The following NEK1 variants were observed in gnomAD, a reference collection of about 807,000 sequenced individuals.
NEK1 encodes serine/threonine-protein kinase Nek1.
In NEK1, 137 loss-of-function variants were observed where a neutral mutation model predicts 182.1. The ratio of observed to expected loss-of-function variants is 0.75; its 90% confidence interval spans 0.65 to 0.87. The LOEUF (loss-of-function observed/expected upper bound fraction) is 0.87. Ranked by LOEUF, NEK1 falls within the 40% of genes least tolerant of loss-of-function variation. The pLI, the probability that NEK1 is intolerant of heterozygous loss-of-function variation, is 0.00. For synonymous variants in NEK1, 513 were observed against 492.2 expected (o/e 1.04, Z -0.56); for missense variants, 1,391 against 1,494.4 (o/e 0.93, Z 1.14).
At chr4:169,497,295 TTTC>T (rs1368850789) in intron 23 of NEK1, among the ~76,000 whole-genome samples, 13 of 152,218 alleles carry the variant, frequency 8.5e-5, no homozygotes, top group Non-Finnish European at 1.8e-4. Context: ...TCTTCTCTCT[TTTC>T]TTCTTTATTA....
rs1238105565 is a variant in NEK1, at chr4:169,393,743, A to G, written c.*767T>C. ...TATGGAGGAAGTTAAAAACCAAAAG[A>G]GCAACTTTAAGCTATATGCTAAGTC... is the stretch of plus-strand genomic sequence containing the variant. On this transcript the variant is annotated 3_prime_UTR_variant, in exon 36 of 36. Transcript: ENST00000507142. The G allele has an allele frequency of 6.6e-6, 1 of 152,208 alleles. No individual in the cohort carries two copies. The highest frequency in any genetic ancestry group is 1.5e-5 in the Non-Finnish European group (1 of 68,020). 9.4% of individuals were successfully genotyped at this position (152,208 alleles called of 1,614,324 possible).
At chr4:169,601,271 T>C (rs1245572942) in intron 4 of NEK1, among the ~76,000 whole-genome samples, 1 of 152,198 alleles carries the variant, frequency 6.6e-6, no homozygotes, top group Non-Finnish European at 1.5e-5. Flanking sequence ...CCTGAGTCAT[T>C]TCAATTATCT....
In NEK1 at chr4:169,394,370, T is replaced by A. The variant is rs570373692; in HGVS notation, c.*140A>T. 5.2e-5 allele frequency: 29 copies of A among 559,198 alleles called. No individual in the cohort carries two copies. The African/African-American group carries it at 5.3e-4, about 10-fold the overall frequency. 34.6% of individuals were successfully genotyped at this position (559,198 alleles called of 1,614,324 possible). A position where few individuals can be genotyped will look rare whatever the true frequency, so the allele number is the denominator to read the frequency against. On this transcript the variant is annotated 3_prime_UTR_variant, in exon 36 of 36. Coordinates refer to ENST00000507142, the MANE Select transcript of NEK1 (RefSeq NM_001199397.3). ...CTGAAAAATGGCATGTTTCTCCATCTTTTTCATGCAATAAGAAAGTCCATC... is the reference window on the plus strand; with the variant it reads ...CTGAAAAATGGCATGTTTCTCCATCATTTTCATGCAATAAGAAAGTCCATC...
chr4:169,468,093 T>C (rs61423605), intron 26 of NEK1, among the ~76,000 whole-genome samples: 1,999 of 152,066 alleles, frequency 0.013, 38 homozygotes, highest in African/African-American at 0.045. Context: ...AAAGCAAAGA[T>C]TTTTTTAAAA....
At chr4:169,475,328 C>G (rs1013756752) in intron 26 of NEK1, among the ~76,000 whole-genome samples, 2 of 152,096 alleles carry the variant, frequency 1.3e-5, no homozygotes, top group Non-Finnish European at 2.9e-5. Context: ...ACTGGAAAAC[C>G]TCATCATTCC....
intron 23 of NEK1, among the ~76,000 whole-genome samples, chr4:169,490,873 G>GTGGC (rs1749932352): frequency 6.6e-6 from 1 of 152,108 alleles, no homozygotes. Flanking sequence ...GCCGGGCATG[G>GTGGC]TGGCTCACGC....
intron 23 of NEK1, among the ~76,000 whole-genome samples, chr4:169,500,368 C>A (rs1345219298): frequency 6.6e-6 from 1 of 152,192 alleles, no homozygotes; most frequent in Non-Finnish European, 1.5e-5. Flanking sequence ...GATGCCTCGC[C>A]CTGCTTCGGT....
intron 19 of NEK1, among the ~76,000 whole-genome samples, chr4:169,526,241 T>G (rs998014841): frequency 2.0e-5 from 3 of 152,172 alleles, no homozygotes; most frequent in African/African-American, 7.2e-5. Flanking sequence ...TGTAGTCCAG[T>G]ATTTTGGTAG....
In NEK1 at chr4:169,404,845, C is replaced by G. The variant is rs560014608; in HGVS notation, c.3374+1751G>C. Reference sequence around the variant, plus strand: ...GTGCACAATCTAAGGGGTTATCACTCCTTACAGCTCTCAGAGGTATTGCTT... The same window carrying G: ...GTGCACAATCTAAGGGGTTATCACTGCTTACAGCTCTCAGAGGTATTGCTT... On this transcript the variant is annotated intron_variant, in intron 32 of 35. Coordinates refer to ENST00000507142, the MANE Select transcript of NEK1 (RefSeq NM_001199397.3). 2.0e-5 allele frequency among the ~76,000 whole-genome samples: 3 copies of G among 152,030 alleles called. No individual in the cohort carries two copies. The East Asian group carries it at 5.8e-4, about 29-fold the overall frequency.
chr4:169,398,634 G>A (rs1731120059), intron 35 of NEK1, among the ~76,000 whole-genome samples: 3 of 152,002 alleles, frequency 2.0e-5, no homozygotes, highest in Non-Finnish European at 2.9e-5. Flanking sequence ...CTTCATTCCT[G>A]GCTTCATGTT....
At chr4:169,576,785 G>A in intron 12 of NEK1, 143 bp downstream of exon 12, 1 of 733,404 alleles carries the variant, frequency 1.4e-6, no homozygotes, top group Non-Finnish European at 2.2e-6. Flanking sequence ...CAGTTTTAGA[G>A]GACTGGTAAA....
Position 169,452,370 on chromosome 4 carries a change from T to C in NEK1, c.2587+10873A>G, listed in dbSNP as rs186602393. Among the ~76,000 whole-genome samples, 852 of 151,604 alleles carry C rather than the reference T, an allele frequency of 5.6e-3. 2 individuals are homozygous for C. Among genetic ancestry groups the C allele is most frequent in the Non-Finnish European group, 7.6e-3 (515 of 67,594 alleles). ...GACTGGCAGAGACACAACCAGATAA[T>C]TTTAGACCAATATCCCTGATGAACG... On this transcript the variant is annotated intron_variant, in intron 27 of 35. Coordinates refer to ENST00000507142, the MANE Select transcript of NEK1 (RefSeq NM_001199397.3).
intron 31 of NEK1, among the ~76,000 whole-genome samples, chr4:169,413,890 G>C (rs188209505): frequency 5.3e-5 from 8 of 152,294 alleles, no homozygotes; most frequent in African/African-American, 1.7e-4. Flanking sequence ...GGTGGTGGGT[G>C]CCTGTAATCC....
At chr4:169,487,831 T>C (rs1749321104) in intron 23 of NEK1, among the ~76,000 whole-genome samples, 1 of 152,142 alleles carries the variant, frequency 6.6e-6, no homozygotes, top group South Asian at 2.1e-4. Flanking sequence ...ATCTGTTGTT[T>C]CTTGATTTTT....
chr4:169,402,436 T>C (rs1457265834), intron 32 of NEK1, among the ~76,000 whole-genome samples: 2 of 152,206 alleles, frequency 1.3e-5, no homozygotes, highest in African/African-American at 4.8e-5. Flanking sequence ...AGAAATCTTA[T>C]CTTTAGATGC....
At chr4:169,555,439 T>C in intron 18 of NEK1, 2 of 357,740 alleles carry the variant, frequency 5.6e-6, no homozygotes, top group Non-Finnish European at 1.0e-5. Flanking sequence ...TGATAAAATG[T>C]TATAATTATG....
chr4:169,599,147 A>C lies in NEK1; in HGVS notation c.265T>G (p.Phe89Val). The change falls in exon 5 of 36, where the codon TTT (phenylalanine) becomes GTT (valine). Residue 89 changes from phenylalanine (F) to valine (V), a missense_variant. Physicochemically the swap from Phe to Val is conservative, Grantham distance 50. Transcript: ENST00000507142. ...CCTTTCTGAGCATTTATTCGCTTAA[A>C]CAGATCCCCTCCCTCACAGTAATCC... ...VMDYCEGGDLFKRINAQKGVL... is the reference protein window; with the variant it reads ...VMDYCEGGDLVKRINAQKGVL... 6.2e-7 allele frequency: 1 copy of C among 1,613,528 alleles called. No individual in the cohort carries two copies. Among genetic ancestry groups the C allele is most frequent in the Non-Finnish European group, 8.5e-7 (1 of 1,179,732 alleles).
chr4:169,557,087 TTTA>T (rs1329517378), intron 16 of NEK1, among the ~76,000 whole-genome samples: 1 of 151,580 alleles, frequency 6.6e-6, no homozygotes, highest in Non-Finnish European at 1.5e-5. Flanking sequence ...TCAACAGAGT[TTTA>T]AAGGTCAGTA....
intron 12 of NEK1, among the ~76,000 whole-genome samples, chr4:169,576,335 C>G (rs1424809195): frequency 6.6e-6 from 1 of 152,160 alleles, no homozygotes; most frequent in African/African-American, 2.4e-5. Context: ...AGTGTGTATA[C>G]ATACATATCT....
Sources: allele counts gnomAD v4.1 joint callset (sites outside exome capture counted in the v4.1 genomes callset), GRCh38; gene constraint gnomAD v4.1.1; transcripts MANE v1.5; gene names NCBI Gene and HGNC (gene_info 2026-07-23, HGNC 2026-07-21).